The following MRPL45 variants were observed in gnomAD, a reference collection of about 807,000 sequenced individuals.
MRPL45 encodes large ribosomal subunit protein mL45.
MRPL45 carries 20 observed loss-of-function variants against 38.1 expected under a neutral mutation model. The observed-to-expected ratio is 0.53, with a 90% CI of 0.37 to 0.76. MRPL45 has a LOEUF of 0.76. Ranked by LOEUF, MRPL45 falls within the 30% of genes least tolerant of loss-of-function variation. The probability of loss-of-function intolerance (pLI) is 0.00; values close to 1 mark genes in which losing one functional copy is unlikely to be tolerated. For synonymous variants in MRPL45, 105 were observed against 128.8 expected, an observed-to-expected ratio of 0.82 and a Z score of 1.25; for missense variants, 337 against 395.6, an observed-to-expected ratio of 0.85 and a Z score of 1.26.
At chr17:38,306,265 C>T (rs1169196263) in intron 3 of MRPL45, among the ~76,000 whole-genome samples, 2 of 151,808 alleles carry the variant, frequency 1.3e-5, no homozygotes, top group Admixed American at 6.6e-5. Flanking sequence ...AAAATTTAGC[C>T]GCGTGTGGTC....
chr17:38,298,824 G>GT (rs1261456273), intron 2 of MRPL45, among the ~76,000 whole-genome samples, 198 bp downstream of exon 2: 3 of 152,034 alleles, frequency 2.0e-5, no homozygotes, highest in Non-Finnish European at 4.4e-5. Flanking sequence ...GAAGGCAAGA[G>GT]TGAAATTTCT....
At position 38,297,210 on chromosome 17, in the gene MRPL45, C is replaced by T. The variant is rs776661017; in HGVS notation, c.27C>T (p.Phe9=). The change falls in exon 1 of 8, where the codon TTC becomes TTT. Residue 9 remains phenylalanine, a synonymous_variant. Transcript: ENST00000613675. MAAPIPQG[F]SCLSRFLGWW... ...TGGCAGCCCCCATACCTCAAGGGTT[C>T]TCTTGTTTATCGAGGTTTTTGGGCT... 3 of 1,614,220 alleles carry T rather than the reference C, an allele frequency of 1.9e-6. No individual in the cohort carries two copies. Among genetic ancestry groups the T allele is most frequent in the Admixed American group, 1.7e-5 (1 of 60,014 alleles).
chr17:38,299,388 T>C lies in MRPL45; in HGVS notation c.282T>C (p.Asp94=). The C allele has an allele frequency of 3.1e-6, 5 of 1,611,444 alleles. No individual in the cohort carries two copies. Among genetic ancestry groups the C allele is most frequent in the Non-Finnish European group, 3.4e-6 (4 of 1,179,526 alleles). Residue 94 remains aspartate (D), a synonymous_variant, in exon 3 of 8, where the codon GAT becomes GAC. Transcript: ENST00000613675. The part of the protein sequence containing the change: ...IFDAYVPPEG[D]ARISSLSKEG... ...ATGCCTATGTTCCTCCTGAGGGTGA[T>C]GCACGCATATCATCTCTTTCAAAGG...
chr17:38,318,721 G>C lies in MRPL45; in HGVS notation c.496G>C (p.Glu166Gln). The change falls in exon 5 of 8, where the codon GAA becomes CAA. Residue 166 changes from glutamate (E) to glutamine (Q), a missense_variant. Physicochemically the swap from Glu to Gln is conservative, Grantham distance 29 (BLOSUM62 2). This residue lies in a region of MRPL45 where 251 missense variants were observed against 269.1 expected (regional missense o/e 0.93). Transcript: ENST00000613675. ...DHDRLHTLVT[E>Q]HCFPDMTWDI... ...TGACCGGCTTCATACCTTGGTAACT[G>C]AACACTGTTTTCCAGTAAGTTCTCA... 6.2e-7 allele frequency: 1 copy of C among 1,609,618 alleles called. No homozygotes were observed. The highest frequency in any genetic ancestry group is 8.5e-7 in the Non-Finnish European group (1 of 1,176,614).
At chr17:38,322,416 C>A in intron 7 of MRPL45, 93 bp from the exon 8 acceptor site, 1 of 189,870 alleles carries the variant, frequency 5.3e-6, no homozygotes, top group Non-Finnish European at 9.1e-6. Context: ...GAAGGGAAGG[C>A]CGGGTGGGTG....
rs1238153345 is a variant in MRPL45 at position 38,307,225 on chromosome 17, G to A, written c.461+594G>A. On this transcript the variant is annotated intron_variant, in intron 4 of 7. Coordinates refer to ENST00000613675, the MANE Select transcript of MRPL45 (RefSeq NM_032351.6). ...ATTTTTTTGTATTTTTAGTAGAGAC[G>A]GGGTTTCATCATGTTGGCCAGACTG... Among the ~76,000 whole-genome samples, 17 of 151,964 alleles carry A rather than the reference G, an allele frequency of 1.1e-4. No homozygotes were observed. In the East Asian group the frequency reaches 1.7e-3, roughly 16 times the overall value.
At chr17:38,305,560 G>A (rs1428938856) in intron 3 of MRPL45, among the ~76,000 whole-genome samples, 2 of 149,808 alleles carry the variant, frequency 1.3e-5, no homozygotes, top group South Asian at 2.1e-4. Flanking sequence ...GCAGTGGCGC[G>A]ATCACTACCT....
intron 4 of MRPL45, among the ~76,000 whole-genome samples, chr17:38,318,307 G>A (rs1396961835): frequency 1.3e-5 from 2 of 150,826 alleles, no homozygotes; most frequent in African/African-American, 4.9e-5. Flanking sequence ...ATTGTTACTT[G>A]TGTTGAACTT....
At chr17:38,308,113 C>A (rs1369643495) in intron 4 of MRPL45, among the ~76,000 whole-genome samples, 1 of 152,088 alleles carries the variant, frequency 6.6e-6, no homozygotes, top group Admixed American at 6.6e-5. Context: ...ACCATGTTGC[C>A]CAGGCTATGC....
intron 4 of MRPL45, among the ~76,000 whole-genome samples, chr17:38,318,206 CAAAAAAAAAAAAA>C (rs1163303123): frequency 1.7e-5 from 1 of 57,666 alleles, no homozygotes; most frequent in Non-Finnish European, 3.3e-5. Flanking sequence ...GACTCTGTCT[CAAAAAAAAAAAAA>C]AAAAAAAAAA....
At chr17:38,308,281 G>A (rs913668223) in intron 4 of MRPL45, among the ~76,000 whole-genome samples, 26 of 151,770 alleles carry the variant, frequency 1.7e-4, no homozygotes, top group Non-Finnish European at 3.1e-4. Context: ...GCTAATTTTT[G>A]TATGTTTAGT....
intron 4 of MRPL45, among the ~76,000 whole-genome samples, chr17:38,308,784 T>G (rs542840891): frequency 5.7e-4 from 86 of 151,534 alleles, no homozygotes; most frequent in African/African-American, 2.1e-3. Context: ...CCATGTTGGC[T>G]AGGCTGGTCT....
chr17:38,319,471 T>A (rs1335792329), intron 5 of MRPL45, among the ~76,000 whole-genome samples: 1 of 152,120 alleles, frequency 6.6e-6, no homozygotes, highest in East Asian at 1.9e-4. Context: ...GCGCCCTGCC[T>A]GGTTTTTCTT....
intron 4 of MRPL45, among the ~76,000 whole-genome samples, chr17:38,312,910 A>T (rs1397325429): frequency 6.7e-6 from 1 of 149,630 alleles, no homozygotes; most frequent in Non-Finnish European, 1.5e-5. Context: ...ACTGTTTTAC[A>T]TTCCTATGAC....
intron 4 of MRPL45, among the ~76,000 whole-genome samples, chr17:38,310,385 G>A (rs78018008): frequency 0.067 from 10,094 of 150,936 alleles, 1,084 homozygotes; most frequent in African/African-American, 0.23. Context: ...CTGGAGTGCA[G>A]TGGTGTGATC....
rs374021938 is a variant in MRPL45, at chr17:38,317,138, T to TAA, written c.462-1548_462-1547insAA. Among the ~76,000 whole-genome samples the TAA allele has an allele frequency of 3.4e-3, 521 of 152,288 alleles. 4 individuals carry two copies. The highest frequency in any genetic ancestry group is 0.012 in the African/African-American group (498 of 41,566). On this transcript the variant is annotated intron_variant, in intron 4 of 7. Transcript: ENST00000613675. ...TAAATGTTTATAGTAGAAGTAGTAT[T>TAA]ACATTATTGCAAAATAGTAAGTGAA...
chr17:38,318,890 C>T (rs1160309189), intron 5 of MRPL45, among the ~76,000 whole-genome samples, 155 bp downstream of exon 5: 2 of 147,354 alleles, frequency 1.4e-5, no homozygotes, highest in Non-Finnish European at 3.0e-5. Context: ...TGCAATGGTG[C>T]GATCTTGGCT....
rs989923588 is a variant in MRPL45 at position 38,320,759 on chromosome 17, A to G, written c.652A>G (p.Thr218Ala). The change falls in exon 6 of 8, where the codon ACC becomes GCC. Residue 218 changes from threonine (T) to alanine (A), a missense_variant. By Grantham distance (58) the Thr-to-Ala change is moderately conservative (BLOSUM62 0). Transcript: ENST00000613675. Reference sequence around the variant, plus strand: ...CGGCCAGATCACCGTACGCATGCACACCCGGCAGGTAGAGGCACTCGTCTG... The same window carrying G: ...CGGCCAGATCACCGTACGCATGCACGCCCGGCAGGTAGAGGCACTCGTCTG... ...VYGQITVRMH[T>A]RQTLAIYDRF... 7 of 1,613,938 alleles carry G rather than the reference A, an allele frequency of 4.3e-6. No individual in the cohort carries two copies. Among genetic ancestry groups the G allele is most frequent in the Non-Finnish European group, 5.9e-6 (7 of 1,180,002 alleles).
At chr17:38,299,968 T>A (rs1473764509) in intron 3 of MRPL45, among the ~76,000 whole-genome samples, 1 of 151,988 alleles carries the variant, frequency 6.6e-6, no homozygotes, top group Non-Finnish European at 1.5e-5. Flanking sequence ...GGTCTTGAAC[T>A]CCTGACCTCA....
Sources: gnomAD v4.1 joint callset for allele counts (sites outside exome capture counted in the v4.1 genomes callset) on GRCh38, gnomAD v4.1.1 for gene constraint, gnomAD v4.1.1 regional missense constraint, MANE v1.5 for transcripts, NCBI Gene and HGNC (gene_info 2026-07-23, HGNC 2026-07-21) for gene names.